Variants in MYO5C observed in about 807,000 individuals in gnomAD.
MYO5C encodes unconventional myosin-Vc.
Under a neutral mutation model 235.7 loss-of-function variants are expected in MYO5C, and 194 were observed. The ratio of observed to expected loss-of-function variants is 0.82; its 90% CI spans 0.73 to 0.93. The LOEUF (loss-of-function observed/expected upper bound fraction) is 0.93, where lower values mean the gene tolerates loss of function less well. Among genes scored for constraint, MYO5C ranks in the 40% least tolerant of loss-of-function variants. MYO5C has a pLI of 0.00. For synonymous variants in MYO5C, 707 were observed against 754.8 expected, an observed-to-expected ratio of 0.94 and a Z score of 1.04; for missense variants, 2,038 against 2,127.2, an observed-to-expected ratio of 0.96 and a Z score of 0.82.
intron 18 of MYO5C, 147 bp downstream of exon 18, chr15:52,245,207 C>T: frequency 1.5e-6 from 1 of 679,944 alleles, no homozygotes; most frequent in South Asian, 1.7e-5. Context: ...ATGGTCTCTT[C>T]AGCAGACAAA....
intron 20 of MYO5C, 67 bp downstream of exon 20, chr15:52,241,981 C>G (rs1278494762): frequency 1.3e-6 from 2 of 1,491,440 alleles, no homozygotes; most frequent in Non-Finnish European, 1.8e-6. Context: ...TTTCCCTGGG[C>G]CCTGTTTTGT....
chr15:52,265,674 G>A (rs1049589436), intron 8 of MYO5C, among the ~76,000 whole-genome samples: 1 of 151,992 alleles, frequency 6.6e-6, no homozygotes, highest in Non-Finnish European at 1.5e-5. Context: ...GAGTAGCTGG[G>A]ACTATAAATG....
At chr15:52,275,267 T>C (rs1476975739) in intron 5 of MYO5C, among the ~76,000 whole-genome samples, 1 of 152,222 alleles carries the variant, frequency 6.6e-6, no homozygotes, top group East Asian at 1.9e-4. Context: ...ACACCAGTGA[T>C]TTCAGTGTAC....
chr15:52,250,877 A>G (rs1371984626), intron 13 of MYO5C: 1 of 152,274 alleles, frequency 6.6e-6, no homozygotes, highest in Non-Finnish European at 1.5e-5. Flanking sequence ...GATTTTAACA[A>G]AAATTTTTCA....
rs1016291269 is a variant in MYO5C at position 52,293,748 on chromosome 15, A to G, written c.27+1862T>C. Among the ~76,000 whole-genome samples, 4 of 152,262 alleles carry G rather than the reference A, an allele frequency of 2.6e-5. No individual in the cohort carries two copies. The South Asian group carries it at 6.2e-4, about 24-fold the overall frequency. ...GCTGGAATGACCTGAGAATTCAGCT[A>G]CGTGACCCCGGCCTCTCTCCTCCAC... is the stretch of plus-strand genomic sequence containing the variant. On this transcript the variant is annotated intron_variant, in intron 1 of 40. Transcript: ENST00000261839.
intron 39 of MYO5C, among the ~76,000 whole-genome samples, 179 bp downstream of exon 39, chr15:52,196,130 C>T (rs1456569670): frequency 6.6e-6 from 1 of 151,742 alleles, no homozygotes; most frequent in African/African-American, 2.4e-5. Context: ...TTTTTAAGAC[C>T]TAGTGTTAGT....
intron 11 of MYO5C, among the ~76,000 whole-genome samples, chr15:52,256,180 G>A (rs2036572812): frequency 6.6e-6 from 1 of 152,206 alleles, no homozygotes; most frequent in Non-Finnish European, 1.5e-5. Context: ...CACATAGGAA[G>A]AGGCCAGGAG....
At chr15:52,240,163 T>C (rs995727790) in intron 20 of MYO5C, among the ~76,000 whole-genome samples, 3 of 152,250 alleles carry the variant, frequency 2.0e-5, no homozygotes, top group African/African-American at 7.2e-5. Context: ...GAGAAACCCA[T>C]GTCCCAAGAA....
At chr15:52,241,977 T>C in intron 20 of MYO5C, 71 bp downstream of exon 20, 2 of 1,481,596 alleles carry the variant, frequency 1.3e-6, no homozygotes, top group Non-Finnish European at 1.8e-6. Context: ...AGTCTTTCCC[T>C]GGGCCCTGTT....
At chr15:52,258,469 G>C (rs1461930361) in intron 10 of MYO5C, among the ~76,000 whole-genome samples, 1 of 152,124 alleles carries the variant, frequency 6.6e-6, no homozygotes. Context: ...TACACGACAG[G>C]CTGGGGAGTC....
At chr15:52,240,725 T>C (rs4774613) in intron 20 of MYO5C, among the ~76,000 whole-genome samples, 114,627 of 151,982 alleles carry the variant, frequency 0.75, 47,379 homozygotes, top group Non-Finnish European at 0.94. Context: ...GAGTGAGACC[T>C]TGTCTCAAAA....
intron 36 of MYO5C, among the ~76,000 whole-genome samples, chr15:52,207,936 C>A (rs1371949415): frequency 6.6e-6 from 1 of 152,166 alleles, no homozygotes; most frequent in Non-Finnish European, 1.5e-5. Flanking sequence ...TAATTTTATA[C>A]CCTGACACTG....
intron 35 of MYO5C, among the ~76,000 whole-genome samples, chr15:52,210,650 G>C (rs2035425512): frequency 6.6e-6 from 1 of 152,146 alleles, no homozygotes; most frequent in Non-Finnish European, 1.5e-5. Context: ...CAAGATTCCA[G>C]AATGCGCCAA....
Position 52,275,701 on chromosome 15 carries a change from G to A in MYO5C, c.467C>T (p.Ser156Phe). 1 of 1,614,204 alleles carries A rather than the reference G, an allele frequency of 6.2e-7. No homozygotes were observed. The highest frequency in any genetic ancestry group is 1.3e-5 in the African/African-American group (1 of 75,044). Reference protein sequence around the residue: ...KQMARNNRNQSIIVSGESGAG... With the variant: ...KQMARNNRNQFIIVSGESGAG... ...ACCTGACTCCCCACTTACAATTATG[G>A]ACTGGTTTCTGTTGTTTCTAAAGCA... is the stretch of plus-strand genomic sequence containing the variant. Residue 156 changes from serine (S) to phenylalanine (F), a missense_variant, in exon 5 of 41, where the codon TCC becomes TTC. Transcript: ENST00000261839.
intron 25 of MYO5C, among the ~76,000 whole-genome samples, chr15:52,228,112 T>A (rs1202040918): frequency 1.3e-5 from 2 of 152,158 alleles, no homozygotes; most frequent in African/African-American, 4.8e-5. Context: ...TGCCCAGGAA[T>A]ATTTATATAT....
chr15:52,208,974 C>G (rs1461594535), intron 35 of MYO5C, among the ~76,000 whole-genome samples: 1 of 152,132 alleles, frequency 6.6e-6, no homozygotes, highest in Admixed American at 6.5e-5. Context: ...TGGTCAAGAG[C>G]CCATACGATG....
At chr15:52,291,640 T>C (rs2037388885) in intron 1 of MYO5C, among the ~76,000 whole-genome samples, 1 of 151,888 alleles carries the variant, frequency 6.6e-6, no homozygotes, top group African/African-American at 2.4e-5. Context: ...CCTTCATCCT[T>C]GTTGACTTCT....
chr15:52,196,643 C>G (rs1426205878), intron 38 of MYO5C, among the ~76,000 whole-genome samples, 160 bp from the exon 39 acceptor site: 2 of 152,190 alleles, frequency 1.3e-5, no homozygotes, highest in Admixed American at 1.3e-4. Context: ...ATCAGCTCTC[C>G]TAATCCAGAG....
chr15:52,234,261 A>T (rs2036029655), intron 23 of MYO5C, among the ~76,000 whole-genome samples: 2 of 152,248 alleles, frequency 1.3e-5, no homozygotes, highest in Non-Finnish European at 2.9e-5. Flanking sequence ...CTTAGGTCAC[A>T]AGCATAGGTA....
Sources: allele counts gnomAD v4.1 joint callset (sites outside exome capture counted in the v4.1 genomes callset), GRCh38; gene constraint gnomAD v4.1.1; transcripts MANE v1.5; gene names NCBI Gene and HGNC (gene_info 2026-07-23, HGNC 2026-07-21).